BMS1: variants seen among roughly 807,000 people sequenced by gnomAD.
BMS1 encodes the protein ribosome biogenesis protein BMS1 homolog.
A neutral mutation model predicts 138.7 loss-of-function variants in BMS1; 53 were observed. The observed-to-expected ratio is 0.38, with a 90% confidence interval of 0.31 to 0.48. BMS1 has a LOEUF of 0.48. Ranked by LOEUF, BMS1 falls within the 20% of genes least tolerant of loss-of-function variation. The pLI, the probability that BMS1 is intolerant of heterozygous loss-of-function variation, is 0.97. For synonymous variants in BMS1, 504 were observed against 539.9 expected, an observed-to-expected ratio of 0.93 and a Z score of 0.92; for missense variants, 1,360 against 1,565.5, an observed-to-expected ratio of 0.87 and a Z score of 2.22.
intron 12 of BMS1, 59 bp downstream of exon 12, chr10:42,798,684 A>C: frequency 6.3e-7 from 1 of 1,588,982 alleles, no homozygotes; most frequent in Non-Finnish European, 8.6e-7. Context: ...CTAGAATAAG[A>C]TTATCTGATG....
Position 42,797,508 on chromosome 10 carries a change from C to T in BMS1, c.2074C>T (p.Leu692Phe), listed in dbSNP as rs765023315. 6.2e-7 allele frequency: 1 copy of T among 1,614,104 alleles called. No homozygotes were observed. Among genetic ancestry groups the T allele is most frequent in the South Asian group, 1.1e-5 (1 of 91,078 alleles). Residue 692 changes from leucine (L) to phenylalanine (F), a missense_variant, in exon 11 of 23, where the codon CTT (leucine) becomes TTT (phenylalanine). Physicochemically the swap from Leu to Phe is conservative, Grantham distance 22. Coordinates refer to ENST00000374518, the MANE Select transcript of BMS1 (RefSeq NM_014753.4). The stretch of plus-strand genomic sequence containing the variant: ...GCAAGCAGCTCCAAACCTCCGAAAG[C>T]TTATTTATGGGACAGGTAAAGAATT... The part of the protein sequence containing the change: ...QQQAAPNLRK[L>F]IYGTVTEDNE...
chr10:42,828,344 T>C (rs570370616), intron 21 of BMS1, among the ~76,000 whole-genome samples: 1 of 152,264 alleles, frequency 6.6e-6, no homozygotes, highest in African/African-American at 2.4e-5. Context: ...ATTTATCCAT[T>C]GATGGGTAAA....
intron 21 of BMS1, among the ~76,000 whole-genome samples, chr10:42,826,835 C>T (rs1479602955): frequency 6.6e-6 from 1 of 152,130 alleles, no homozygotes; most frequent in Non-Finnish European, 1.5e-5. Context: ...CTGGCCAAGG[C>T]ACTGATTCCC....
intron 4 of BMS1, among the ~76,000 whole-genome samples, chr10:42,787,544 A>G (rs981807936): frequency 6.6e-6 from 1 of 152,234 alleles, no homozygotes; most frequent in Non-Finnish European, 1.5e-5. Flanking sequence ...GTATACATAT[A>G]TACGTACAAA....
chr10:42,790,588 TA>T, intron 5 of BMS1, 77 bp downstream of exon 5: 2 of 1,455,148 alleles, frequency 1.4e-6, no homozygotes, highest in Non-Finnish European at 1.9e-6. Context: ...GTGCAGTGGC[TA>T]ACACCTGTAA....
rs1841547773 is a variant in BMS1, at chr10:42,792,751, T to C, written c.901+137T>C. 6 of 1,402,150 alleles carry C rather than the reference T, an allele frequency of 4.3e-6. No individual in the cohort carries two copies. The East Asian group carries it at 6.9e-5, about 16-fold the overall frequency. 86.9% of individuals were successfully genotyped at this position (1,402,150 alleles called of 1,614,324 possible). On this transcript the variant is annotated intron_variant, in intron 7 of 22. Transcript: ENST00000374518. ...GTTTTAAAAGTAAGCCACCTATGTG[T>C]AGGCCTGCAAAGGTGTTACTGAATC...
In BMS1 at chr10:42,791,719, G is replaced by A; in HGVS notation, c.729G>A (p.Lys243=). Residue 243 remains lysine, a synonymous_variant, in exon 6 of 23, where the codon AAG becomes AAA. Transcript: ENST00000374518. ...TGGGCCGTTTTATTACAGTTATGAA[G>A]TTTAGGCCTCTCACATGGCAAACTT... is the stretch of plus-strand genomic sequence containing the variant. ...HNLGRFITVM[K]FRPLTWQTSH... is the part of the protein sequence containing the mutation. 3 of 1,613,786 alleles carry A rather than the reference G, an allele frequency of 1.9e-6. No individual in the cohort carries two copies. Among genetic ancestry groups the A allele is most frequent in the Non-Finnish European group, 1.7e-6 (2 of 1,179,802 alleles).
intron 12 of BMS1, among the ~76,000 whole-genome samples, chr10:42,799,616 C>T (rs117077206): frequency 1.7e-3 from 266 of 152,208 alleles, no homozygotes; most frequent in South Asian, 6.2e-3. Context: ...TATAAAACCA[C>T]GTAAAAACAA....
At position 42,802,172 on chromosome 10, in the gene BMS1, A is replaced by G. The variant is rs374382202; in HGVS notation, c.2283A>G (p.Gly761=). The part of the protein sequence containing the change: ...MNSIRDCFVT[G]KWEDDKDAAK... ...GTATCAGAGATTGCTTCGTGACTGG[A>G]AAGTGGGAAGATGATAAAGATGCAG... Residue 761 remains glycine (G), a synonymous_variant, in exon 13 of 23, where the codon GGA becomes GGG. Coordinates refer to ENST00000374518, the MANE Select transcript of BMS1 (RefSeq NM_014753.4). The G allele has an allele frequency of 1.2e-6, 2 of 1,613,486 alleles. No individual in the cohort carries two copies. Among genetic ancestry groups the G allele is most frequent in the Non-Finnish European group, 1.7e-6 (2 of 1,179,726 alleles).
chr10:42,823,709 A>G lies in BMS1; in HGVS notation c.3381A>G (p.Ser1127=). ...CAGTGGGTGAGAAAGACACCTGGTC[A>G]GGAATGCGGACCACGGGCCAACTCA... is the stretch of plus-strand genomic sequence containing the variant. ...LKPVGEKDTW[S]GMRTTGQLRL... The change falls in exon 21 of 23, where the codon TCA becomes TCG. Residue 1127 remains serine (S), a synonymous_variant. Transcript: ENST00000374518. 1.9e-6 allele frequency: 3 copies of G among 1,596,154 alleles called. No homozygotes were observed. The highest frequency in any genetic ancestry group is 1.1e-5 in the South Asian group (1 of 90,868).
intron 21 of BMS1, among the ~76,000 whole-genome samples, chr10:42,829,140 G>A (rs182187084): frequency 5.5e-4 from 84 of 151,922 alleles, no homozygotes; most frequent in African/African-American, 1.7e-3. Context: ...GTCATCCTCC[G>A]TCTCCACTAA....
chr10:42,818,888 C>T (rs1842425072), intron 15 of BMS1, among the ~76,000 whole-genome samples: 1 of 152,110 alleles, frequency 6.6e-6, no homozygotes. Flanking sequence ...CATGCAGGCA[C>T]ACAGGAGGCC....
intron 14 of BMS1, among the ~76,000 whole-genome samples, chr10:42,816,954 C>T (rs1842366562): frequency 6.6e-6 from 1 of 152,214 alleles, no homozygotes. Context: ...CAACCATTGG[C>T]ATCATTCTCC....
chr10:42,826,275 GTGTGTT>G (rs1842641936), intron 21 of BMS1, among the ~76,000 whole-genome samples: 1 of 127,280 alleles, frequency 7.9e-6, no homozygotes, highest in Non-Finnish European at 1.8e-5. Flanking sequence ...GTGTGTGTGT[GTGTGTT>G]TTGGTTTGGC....
chr10:42,791,694 T>G lies in BMS1; in HGVS notation c.704T>G (p.Leu235Arg). The change falls in exon 6 of 23, where the codon CTG becomes CGG. Residue 235 changes from leucine to arginine, a missense_variant. Coordinates refer to ENST00000374518, the MANE Select transcript of BMS1 (RefSeq NM_014753.4). ...GEYQNQEIHN[L>R]GRFITVMKFR... The stretch of plus-strand genomic sequence containing the variant: ...TATCAAAACCAAGAAATCCACAATC[T>G]GGGCCGTTTTATTACAGTTATGAAG... The G allele has an allele frequency of 6.2e-7, 1 of 1,613,900 alleles. No individual in the cohort carries two copies. The highest frequency in any genetic ancestry group is 8.5e-7 in the Non-Finnish European group (1 of 1,179,804).
rs1841691182 is a variant in BMS1 at position 42,796,604 on chromosome 10, G to A, written c.1360G>A (p.Asp454Asn). The A allele has an allele frequency of 6.2e-7, 1 of 1,614,212 alleles. No individual in the cohort carries two copies. ...AGAAGATGATGAAATGTCTGAAGAT[G>A]ACGGGTTGGAAAACGGCTCTAGTGA... is the stretch of plus-strand genomic sequence containing the variant. ...DEEDDEMSED[D>N]GLENGSSDEE... The change falls in exon 10 of 23, where the codon GAC (aspartate) becomes AAC (asparagine). Residue 454 changes from aspartate to asparagine, a missense_variant. Asp to Asn is a conservative substitution (Grantham distance 23). Transcript: ENST00000374518.
At position 42,831,291 on chromosome 10, in the gene BMS1, C is replaced by T. The variant is rs898477334; in HGVS notation, c.*195C>T. ...GTTCATTCTCATGACTTGGGGCTGTCGAGATTTAAAGTGATGTAAGCTGTG... is the reference window on the plus strand; with the variant it reads ...GTTCATTCTCATGACTTGGGGCTGTTGAGATTTAAAGTGATGTAAGCTGTG... On this transcript the variant is annotated 3_prime_UTR_variant, in exon 23 of 23. Transcript: ENST00000374518. The T allele has an allele frequency of 2.0e-5, 12 of 594,646 alleles. No individual in the cohort carries two copies. Among genetic ancestry groups the T allele is most frequent in the African/African-American group, 1.5e-4 (8 of 53,764 alleles). The allele number at this position is 594,646 out of a possible 1,614,324, so 36.8% of individuals were successfully genotyped here.
intron 13 of BMS1, among the ~76,000 whole-genome samples, chr10:42,805,518 T>C (rs1393133763): frequency 6.6e-6 from 1 of 152,214 alleles, no homozygotes; most frequent in Non-Finnish European, 1.5e-5. Context: ...TCAATTGCTA[T>C]AAAAAAGCCC....
At position 42,792,578 on chromosome 10, in the gene BMS1, G is replaced by A; in HGVS notation, c.865G>A (p.Ala289Thr). 1 of 1,610,578 alleles carries A rather than the reference G, an allele frequency of 6.2e-7. No individual in the cohort carries two copies. The highest frequency in any genetic ancestry group is 2.3e-4 in the Middle Eastern group (1 of 4,426). The change falls in exon 7 of 23, where the codon GCA becomes ACA. Residue 289 changes from alanine to threonine, a missense_variant. Ala to Thr is a moderately conservative substitution (Grantham distance 58). This residue lies in a region of BMS1 where 697 missense variants were observed against 686.2 expected (regional missense o/e 1.02). Coordinates refer to ENST00000374518, the MANE Select transcript of BMS1 (RefSeq NM_014753.4). The stretch of plus-strand genomic sequence containing the variant: ...GTCACTTTATGGTTATTTAAGAGGA[G>A]CACACTTGAAAAATAAAAGCCAAAT... Reference protein sequence around the residue: ...KVSLYGYLRGAHLKNKSQIHM... With the variant: ...KVSLYGYLRGTHLKNKSQIHM...
Sources: allele counts gnomAD v4.1 joint callset (sites outside exome capture counted in the v4.1 genomes callset), GRCh38; gene constraint gnomAD v4.1.1; regional missense constraint gnomAD v4.1.1; transcripts MANE v1.5; gene names NCBI Gene and HGNC (gene_info 2026-07-23, HGNC 2026-07-21).